TMEM123: variants seen among roughly 807,000 people sequenced by gnomAD.
TMEM123 encodes the protein transmembrane protein 123.
Under a neutral mutation model 19.7 loss-of-function variants are expected in TMEM123, and 16 were observed. That is an observed-to-expected ratio of 0.81 (90% confidence interval 0.55 to 1.23). The LOEUF (loss-of-function observed/expected upper bound fraction) is 1.23, where lower values mean the gene tolerates loss of function less well. Ranked by LOEUF, TMEM123 falls within the 50% of genes most tolerant of loss-of-function variation. The probability of loss-of-function intolerance (pLI) is 0.00; values close to 1 mark genes in which losing one functional copy is unlikely to be tolerated. For synonymous variants in TMEM123, 118 were observed against 99.4 expected, an observed-to-expected ratio of 1.19 and a Z score of -1.12; for missense variants, 313 against 257.8, an observed-to-expected ratio of 1.21 and a Z score of -1.47.
At chr11:102,445,067 T>C (rs906994680) in intron 2 of TMEM123, among the ~76,000 whole-genome samples, 1 of 151,980 alleles carries the variant, frequency 6.6e-6, no homozygotes, top group African/African-American at 2.4e-5. Context: ...TAATACCTAA[T>C]GTAAATGATG....
chr11:102,446,113 G>A (rs1160739221), intron 2 of TMEM123, among the ~76,000 whole-genome samples: 1 of 152,176 alleles, frequency 6.6e-6, no homozygotes, highest in African/African-American at 2.4e-5. Context: ...TGCTGTTCTA[G>A]TTACTGATGA....
chr11:102,431,343 G>T (rs927387447), intron 2 of TMEM123, among the ~76,000 whole-genome samples: 1 of 152,254 alleles, frequency 6.6e-6, no homozygotes, highest in East Asian at 1.9e-4. Context: ...AATACATGTA[G>T]AATAATTTAA....
rs2135837451 is a variant in TMEM123, at chr11:102,396,466, T to C, written c.*2401A>G. On this transcript the variant is annotated 3_prime_UTR_variant, in exon 5 of 5. Coordinates refer to ENST00000398136, the MANE Select transcript of TMEM123 (RefSeq NM_052932.3). The stretch of plus-strand genomic sequence containing the variant: ...AAAATACAAAATTATCACTATAATA[T>C]ACTGCCAACTCTGTTTATCTGTATT... The C allele has an allele frequency of 6.6e-6, 1 of 152,350 alleles. No individual in the cohort carries two copies. Among genetic ancestry groups the C allele is most frequent in the South Asian group, 2.1e-4 (1 of 4,834 alleles). 9.4% of individuals were successfully genotyped at this position (152,350 alleles called of 1,614,324 possible).
chr11:102,438,678 G>C (rs1048048058), intron 2 of TMEM123, among the ~76,000 whole-genome samples: 1 of 152,198 alleles, frequency 6.6e-6, no homozygotes, highest in Middle Eastern at 3.2e-3. Context: ...TGTGAGCAAT[G>C]CAGAAGATAG....
intron 2 of TMEM123, among the ~76,000 whole-genome samples, chr11:102,439,023 C>T (rs769588472): frequency 2.6e-5 from 4 of 152,166 alleles, no homozygotes; most frequent in Non-Finnish European, 4.4e-5. Flanking sequence ...ACTGCAAGGC[C>T]GCAGCGAGGC....
Position 102,405,122 on chromosome 11 carries a change from CAT to C in TMEM123, c.158-2918_158-2917del, listed in dbSNP as rs1951944248. On this transcript the variant is annotated intron_variant, in intron 2 of 4. Transcript: ENST00000398136. Reference sequence around the variant, plus strand: ...GGAGTGCAGTGGCGTGATCTCAGCTCATTGCAAGCTCCGCCTCCCAGGTTCAC... The same window carrying C: ...GGAGTGCAGTGGCGTGATCTCAGCTCTGCAAGCTCCGCCTCCCAGGTTCAC... Among the ~76,000 whole-genome samples the C allele has an allele frequency of 1.3e-5, 2 of 151,608 alleles. 1 individual carries two copies. Among genetic ancestry groups the C allele is most frequent in the South Asian group, 4.2e-4 (2 of 4,796 alleles).
At chr11:102,448,171 T>TCA (rs1223325149) in intron 2 of TMEM123, 1 of 452,054 alleles carries the variant, frequency 2.2e-6, no homozygotes, top group African/African-American at 2.0e-5. Flanking sequence ...AGTTTCCAAC[T>TCA]CAGTCAACTG....
intron 2 of TMEM123, among the ~76,000 whole-genome samples, chr11:102,410,760 A>C (rs1441436016): frequency 1.3e-5 from 2 of 152,032 alleles, no homozygotes; most frequent in Admixed American, 1.3e-4. Context: ...GAGGCTCTGC[A>C]CACACAGAAG....
intron 2 of TMEM123, among the ~76,000 whole-genome samples, chr11:102,415,430 C>A (rs899847793): frequency 3.9e-5 from 6 of 152,088 alleles, no homozygotes. Context: ...ATGACACATA[C>A]CAAATGCTCA....
At chr11:102,416,236 G>A (rs1188037003) in intron 2 of TMEM123, among the ~76,000 whole-genome samples, 1 of 151,974 alleles carries the variant, frequency 6.6e-6, no homozygotes, top group Non-Finnish European at 1.5e-5. Flanking sequence ...TTATTTGAAA[G>A]AATAAATAAG....
chr11:102,419,379 T>C (rs1245238935), intron 2 of TMEM123, among the ~76,000 whole-genome samples: 1 of 152,194 alleles, frequency 6.6e-6, no homozygotes, highest in Non-Finnish European at 1.5e-5. Flanking sequence ...TATACCTGCC[T>C]GGACATGAAA....
intron 1 of TMEM123, among the ~76,000 whole-genome samples, chr11:102,450,892 T>G (rs534154893): frequency 1.3e-5 from 2 of 152,358 alleles, no homozygotes; most frequent in South Asian, 4.1e-4. Flanking sequence ...CGTAATGACA[T>G]TGTATACAGA....
chr11:102,417,234 T>C (rs1952050065), intron 2 of TMEM123, among the ~76,000 whole-genome samples: 1 of 152,194 alleles, frequency 6.6e-6, no homozygotes, highest in South Asian at 2.1e-4. Context: ...ATGATGATTC[T>C]CTAACTAGAA....
rs1951883973 is a variant in TMEM123 at position 102,398,841 on chromosome 11, A to ACCC, written c.*25_*26insGGG. The ACCC allele has an allele frequency of 6.2e-7, 1 of 1,609,730 alleles. No individual in the cohort carries two copies. The highest frequency in any genetic ancestry group is 8.5e-7 in the Non-Finnish European group (1 of 1,178,416). On this transcript the variant is annotated 3_prime_UTR_variant, in exon 5 of 5. Transcript: ENST00000398136. Reference sequence around the variant, plus strand: ...AATTGATAGGGCAGCATCAATCTGTATTCCATCCTTGGTCCATGGATTTCC... The same window carrying ACCC: ...AATTGATAGGGCAGCATCAATCTGTACCCTTCCATCCTTGGTCCATGGATTTCC...
At chr11:102,409,043 A>T (rs1410333921) in intron 2 of TMEM123, among the ~76,000 whole-genome samples, 1 of 152,168 alleles carries the variant, frequency 6.6e-6, no homozygotes, top group East Asian at 1.9e-4. Flanking sequence ...TAATAATATT[A>T]TTCTCCTTTA....
At chr11:102,421,016 C>T (rs1228426711) in intron 2 of TMEM123, among the ~76,000 whole-genome samples, 1 of 152,100 alleles carries the variant, frequency 6.6e-6, no homozygotes, top group African/African-American at 2.4e-5. Context: ...CACTGCACTC[C>T]GGCCTGGGTG....
chr11:102,438,774 C>T (rs1402667419), intron 2 of TMEM123, among the ~76,000 whole-genome samples: 1 of 152,194 alleles, frequency 6.6e-6, no homozygotes, highest in Non-Finnish European at 1.5e-5. Context: ...GAGCGTAAGC[C>T]GAAGCAGGGC....
chr11:102,448,783 A>G (rs1565357919), intron 2 of TMEM123, 29 bp downstream of exon 2: 1 of 1,609,246 alleles, frequency 6.2e-7, no homozygotes, highest in African/African-American at 1.3e-5. Context: ...ACAAATGAAA[A>G]TTTGTTTTTT....
At position 102,398,364 on chromosome 11, in the gene TMEM123, T is replaced by C. The variant is rs2135838876; in HGVS notation, c.*503A>G. The stretch of plus-strand genomic sequence containing the variant: ...AAAGCACAAAAAATGTTGATGTTTT[T>C]CTTAAATTATGCTTCAGATCTAGTT... On this transcript the variant is annotated 3_prime_UTR_variant, in exon 5 of 5. Transcript: ENST00000398136. The C allele has an allele frequency of 2.6e-6, 1 of 388,192 alleles. No individual in the cohort carries two copies. Among genetic ancestry groups the C allele is most frequent in the South Asian group, 1.4e-4 (1 of 6,938 alleles). The allele number at this position is 388,192 out of a possible 1,614,324, so 24.0% of individuals were successfully genotyped here.
Sources: gnomAD v4.1 joint callset for allele counts (sites outside exome capture counted in the v4.1 genomes callset) on GRCh38, gnomAD v4.1.1 for gene constraint, MANE v1.5 for transcripts, NCBI Gene and HGNC (gene_info 2026-07-23, HGNC 2026-07-21) for gene names.